TMEM132B: variants seen among roughly 807,000 people sequenced by gnomAD.
TMEM132B encodes the protein transmembrane protein 132B.
TMEM132B carries 18 observed loss-of-function variants against 90.8 expected under a neutral mutation model. The observed-to-expected ratio is 0.20, with a 90% confidence interval of 0.14 to 0.29. The LOEUF (loss-of-function observed/expected upper bound fraction) is 0.29. Among genes scored for constraint, TMEM132B ranks in the 10% least tolerant of loss-of-function variants. TMEM132B has a pLI of 1.00. For synonymous variants in TMEM132B, 504 were observed against 523.3 expected (o/e 0.96, Z 0.50); for missense variants, 1,096 against 1,326.8 (o/e 0.83, Z 2.70).
intron 1 of TMEM132B, among the ~76,000 whole-genome samples, chr12:125,345,441 G>A (rs1877325000): frequency 6.6e-6 from 1 of 152,210 alleles, no homozygotes; most frequent in Non-Finnish European, 1.5e-5. Flanking sequence ...GTCCAGGAAT[G>A]TTTTTTGTGT....
chr12:125,397,173 A>G (rs745327630), intron 2 of TMEM132B, among the ~76,000 whole-genome samples: 2 of 151,822 alleles, frequency 1.3e-5, no homozygotes, highest in African/African-American at 4.8e-5. Flanking sequence ...GGGTTTCATC[A>G]TGTTGGCCAG....
intron 1 of TMEM132B, among the ~76,000 whole-genome samples, chr12:125,348,046 T>G (rs1877418696): frequency 6.6e-6 from 1 of 152,228 alleles, no homozygotes; most frequent in African/African-American, 2.4e-5. Context: ...CATATACATA[T>G]GTAGAATTTT....
chr12:125,225,221 G>A (rs1032010504), intron 1 of TMEM132B, among the ~76,000 whole-genome samples: 9 of 152,242 alleles, frequency 5.9e-5, no homozygotes, highest in Admixed American at 3.9e-4. Flanking sequence ...AGTGATTCAT[G>A]GTGTAACTTC....
intron 4 of TMEM132B, among the ~76,000 whole-genome samples, chr12:125,554,808 A>G (rs1222755518): frequency 1.3e-5 from 2 of 152,156 alleles, no homozygotes; most frequent in Admixed American, 6.5e-5. Flanking sequence ...TTCTTCTATG[A>G]CTACATTTAC....
At chr12:125,497,183 A>G (rs542211074) in intron 3 of TMEM132B, among the ~76,000 whole-genome samples, 10 of 152,170 alleles carry the variant, frequency 6.6e-5, no homozygotes, top group Non-Finnish European at 1.3e-4. Context: ...CTGTTGACCT[A>G]CGTGGAAGCA....
rs1400152435 is a variant in TMEM132B, at chr12:125,209,062, T to C, written c.67+22196T>C. ...TTGATTTACAGGAGGCAGATTATGT[T>C]TGGGAAATCAGAAGGGAGCTCCCGC... On this transcript the variant is annotated intron_variant, in intron 1 of 8. Transcript: ENST00000682704. This position sits in a 1 kb window ranked among gnomAD's most constrained non-coding sequence, Gnocchi z 4.4. 6.6e-6 allele frequency among the ~76,000 whole-genome samples: 1 copy of C among 152,084 alleles called. No homozygotes were observed. Among genetic ancestry groups the C allele is most frequent in the Non-Finnish European group, 1.5e-5 (1 of 68,010 alleles).
chr12:125,565,804 A>G (rs1056082668), intron 4 of TMEM132B, among the ~76,000 whole-genome samples: 1 of 152,120 alleles, frequency 6.6e-6, no homozygotes, highest in Non-Finnish European at 1.5e-5. Context: ...TGGGGTTTAT[A>G]TGAGTACAGG....
intron 5 of TMEM132B, among the ~76,000 whole-genome samples, chr12:125,622,883 AT>A: frequency 2.0e-5 from 3 of 152,284 alleles, no homozygotes; most frequent in Middle Eastern, 3.4e-3. Flanking sequence ...TCTAAAATAA[AT>A]TTTTATAGTT....
intron 2 of TMEM132B, among the ~76,000 whole-genome samples, chr12:125,370,265 T>TA (rs1218736059): frequency 6.6e-6 from 1 of 152,146 alleles, no homozygotes; most frequent in East Asian, 1.9e-4. Context: ...TCAAGAATGT[T>TA]AGAGTATCAA....
rs371063520 is a variant in TMEM132B, at chr12:125,254,103, A to G, written c.67+67237A>G. On this transcript the variant is annotated intron_variant, in intron 1 of 8. Coordinates refer to ENST00000682704, the MANE Select transcript of TMEM132B (RefSeq NM_001366854.1). ...CCAGGAGTTAGAGACCATCCTGGACAACATAGTGAGACCCCATCTCTACAA... is the reference window on the plus strand; with the variant it reads ...CCAGGAGTTAGAGACCATCCTGGACGACATAGTGAGACCCCATCTCTACAA... Among the ~76,000 whole-genome samples, 4 of 152,268 alleles carry G rather than the reference A, an allele frequency of 2.6e-5. No homozygotes were observed. The East Asian group carries it at 5.8e-4, about 22-fold the overall frequency.
chr12:125,212,229 AT>A (rs1873335600), intron 1 of TMEM132B, among the ~76,000 whole-genome samples: 1 of 152,220 alleles, frequency 6.6e-6, no homozygotes, highest in Non-Finnish European at 1.5e-5. Flanking sequence ...ATTTTTGGGC[AT>A]GGAGAACCTT....
intron 1 of TMEM132B, among the ~76,000 whole-genome samples, chr12:125,191,134 G>A (rs560012139): frequency 4.1e-4 from 54 of 132,988 alleles, no homozygotes; most frequent in African/African-American, 1.4e-3. Flanking sequence ...TGACAGTGAC[G>A]GGAAAGGGGT....
chr12:125,613,618 A>G (rs773194719), intron 5 of TMEM132B, among the ~76,000 whole-genome samples: 1 of 151,942 alleles, frequency 6.6e-6, no homozygotes, highest in African/African-American at 2.4e-5. Flanking sequence ...ATCTTATCAG[A>G]TAAACTTCAG....
Position 125,349,389 on chromosome 12 carries a change from C to T in TMEM132B, c.68-63C>T. 2 of 1,533,870 alleles carry T rather than the reference C, an allele frequency of 1.3e-6. No homozygotes were observed. The highest frequency in any genetic ancestry group is 1.8e-6 in the Non-Finnish European group (2 of 1,140,446). ...GTTGGGGAGGTGGGTGGAGACTGCA[C>T]TGCATTTATTTCATTACATCTCAGA... On this transcript the variant is annotated intron_variant, in intron 1 of 8. Transcript: ENST00000682704. The surrounding 1 kb of genome is among the most constrained non-coding windows in gnomAD (Gnocchi z 4.1).
chr12:125,609,632 G>A (rs773578349), intron 5 of TMEM132B, among the ~76,000 whole-genome samples: 7 of 151,602 alleles, frequency 4.6e-5, no homozygotes, highest in Non-Finnish European at 1.0e-4. Flanking sequence ...TGGCCAACAC[G>A]GTGAAACCCT....
intron 3 of TMEM132B, among the ~76,000 whole-genome samples, chr12:125,505,185 A>C (rs866075819): frequency 4.9e-5 from 6 of 121,726 alleles, no homozygotes; most frequent in South Asian, 3.3e-4. Context: ...AAAAAAAAAA[A>C]AAAAAAAAAA....
chr12:125,249,938 G>T (rs963586848), intron 1 of TMEM132B, among the ~76,000 whole-genome samples: 1 of 152,212 alleles, frequency 6.6e-6, no homozygotes, highest in Non-Finnish European at 1.5e-5. Flanking sequence ...TTACCAGTCT[G>T]GGGGACAGGC....
chr12:125,609,651 T>A (rs1403804072), intron 5 of TMEM132B, among the ~76,000 whole-genome samples: 1 of 150,826 alleles, frequency 6.6e-6, no homozygotes, highest in East Asian at 2.0e-4. Flanking sequence ...CTGTCTCTAC[T>A]AAAAAAATAT....
chr12:125,420,052 C>T (rs1312508175), intron 3 of TMEM132B, among the ~76,000 whole-genome samples: 1 of 152,206 alleles, frequency 6.6e-6, no homozygotes, highest in Non-Finnish European at 1.5e-5. Flanking sequence ...ACACCAGCCC[C>T]CTTCCTGGCT....
Sources: allele counts gnomAD v4.1 joint callset (sites outside exome capture counted in the v4.1 genomes callset), GRCh38; gene constraint gnomAD v4.1.1; non-coding constraint Gnocchi (gnomAD v3.1); transcripts MANE v1.5; gene names NCBI Gene and HGNC (gene_info 2026-07-23, HGNC 2026-07-21).